COA8: variants seen among roughly 807,000 people sequenced by gnomAD.
COA8 encodes the protein cytochrome c oxidase assembly factor 8.
In COA8, 20 loss-of-function variants were observed where a neutral mutation model predicts 22.0. The observed-to-expected ratio is 0.91, with a 90% confidence interval of 0.64 to 1.32. COA8 has a LOEUF of 1.32. Among genes scored for constraint, COA8 ranks in the 40% most tolerant of loss-of-function variants. The pLI, the probability that COA8 is intolerant of heterozygous loss-of-function variation, is 0.00. For missense variants in COA8, 266 were observed against 230.0 expected (o/e 1.16, Z -1.01); for synonymous variants, 105 against 79.9 (o/e 1.31, Z -1.68).
chr14:103,586,669 C>G (rs2076309635), intron 3 of COA8, among the ~76,000 whole-genome samples: 1 of 129,692 alleles, frequency 7.7e-6, no homozygotes, highest in South Asian at 2.4e-4. Context: ...GAGTTTTACT[C>G]TTTTGCCCAG....
At chr14:103,583,787 C>T (rs1421506724) in intron 3 of COA8, among the ~76,000 whole-genome samples, 4 of 152,162 alleles carry the variant, frequency 2.6e-5, no homozygotes, top group South Asian at 2.1e-4. Flanking sequence ...CATCCTTTGC[C>T]GGTTGCCAGT....
intron 3 of COA8, among the ~76,000 whole-genome samples, chr14:103,579,795 T>G (rs1484809752): frequency 6.6e-6 from 1 of 151,310 alleles, no homozygotes; most frequent in Non-Finnish European, 1.5e-5. Context: ...AAATCCCGTC[T>G]ATACTAAAGA....
chr14:103,590,417 G>C lies in COA8; in HGVS notation c.*131G>C. 1 of 807,764 alleles carries C rather than the reference G, an allele frequency of 1.2e-6. No individual in the cohort carries two copies. Among genetic ancestry groups the C allele is most frequent in the Non-Finnish European group, 1.9e-6 (1 of 517,640 alleles). The allele number at this position is 807,764 out of a possible 1,614,324, so 50.0% of individuals were successfully genotyped here. A position where few individuals can be genotyped will look rare whatever the true frequency, so the allele number is the denominator to read the frequency against. ...ATCTTCCTAAGGGGCCCCATGGCCTGTTTGGGGGCAGGGTAGGTCCTGGGG... is the reference window on the plus strand; with the variant it reads ...ATCTTCCTAAGGGGCCCCATGGCCTCTTTGGGGGCAGGGTAGGTCCTGGGG... On this transcript the variant is annotated 3_prime_UTR_variant, in exon 5 of 5. Transcript: ENST00000409074.
At chr14:103,568,527 A>T (rs923705352) in intron 1 of COA8, among the ~76,000 whole-genome samples, 1 of 150,826 alleles carries the variant, frequency 6.6e-6, no homozygotes, top group Non-Finnish European at 1.5e-5. Context: ...ATACACACAC[A>T]TACACATATA....
At chr14:103,569,798 A>G (rs1022854851) in intron 1 of COA8, among the ~76,000 whole-genome samples, 1 of 152,224 alleles carries the variant, frequency 6.6e-6, no homozygotes, top group Non-Finnish European at 1.5e-5. Flanking sequence ...CCTTTAATGT[A>G]TGATAAGGAA....
intron 3 of COA8, chr14:103,574,848 A>G (rs1248218354): frequency 4.4e-6 from 1 of 227,290 alleles, no homozygotes; most frequent in Non-Finnish European, 8.8e-6. Context: ...AGCAGTAAGC[A>G]TGAGAATGAG....
At chr14:103,570,590 G>A (rs938484487) in intron 1 of COA8, among the ~76,000 whole-genome samples, 1 of 152,044 alleles carries the variant, frequency 6.6e-6, no homozygotes, top group Non-Finnish European at 1.5e-5. Flanking sequence ...AAAATTAGCC[G>A]GGCGTGGTGG....
At chr14:103,563,404 T>G in intron 1 of COA8, 6 of 568,916 alleles carry the variant, frequency 1.1e-5, no homozygotes, top group Non-Finnish European at 1.9e-5. Context: ...ACCTTATTTG[T>G]TCCCGAGAAT....
intron 3 of COA8, among the ~76,000 whole-genome samples, chr14:103,579,211 G>A (rs1458296366): frequency 1.3e-5 from 2 of 151,822 alleles, no homozygotes; most frequent in Non-Finnish European, 2.9e-5. Flanking sequence ...CTAAGACTGA[G>A]GCTAGTACCA....
At chr14:103,580,396 C>T (rs1276846906) in intron 3 of COA8, among the ~76,000 whole-genome samples, 1 of 152,150 alleles carries the variant, frequency 6.6e-6, no homozygotes. Flanking sequence ...GCAGCTTCCG[C>T]CTCTGGGTTC....
At chr14:103,575,781 C>T (rs1012876189) in intron 3 of COA8, among the ~76,000 whole-genome samples, 21 of 152,112 alleles carry the variant, frequency 1.4e-4, no homozygotes, top group Non-Finnish European at 3.1e-4. Flanking sequence ...CTTACTGCAG[C>T]CTTGACCTCC....
At chr14:103,568,520 C>T (rs917570534) in intron 1 of COA8, among the ~76,000 whole-genome samples, 3 of 150,814 alleles carry the variant, frequency 2.0e-5, no homozygotes, top group East Asian at 1.9e-4. Flanking sequence ...CATATATATA[C>T]ACACACATAC....
intron 1 of COA8, among the ~76,000 whole-genome samples, chr14:103,564,717 C>T (rs1345370704): frequency 6.6e-6 from 1 of 151,238 alleles, no homozygotes; most frequent in Non-Finnish European, 1.5e-5. Flanking sequence ...GTAGCTGGGA[C>T]TACAGGGGCC....
At chr14:103,575,015 T>TGTGGC (rs2094323935) in intron 3 of COA8, among the ~76,000 whole-genome samples, 1 of 152,268 alleles carries the variant, frequency 6.6e-6, no homozygotes, top group African/African-American at 2.4e-5. Context: ...ACAGTGAGAA[T>TGTGGC]GTGGCGTGGC....
chr14:103,574,540 G>A (rs761200256), intron 3 of COA8: 1 of 450,032 alleles, frequency 2.2e-6, no homozygotes, highest in South Asian at 1.7e-5. Flanking sequence ...CCTGGTGTCA[G>A]TGTTAGGCCT....
intron 1 of COA8, among the ~76,000 whole-genome samples, chr14:103,568,364 C>T (rs1595136336): frequency 6.6e-6 from 1 of 152,108 alleles, no homozygotes; most frequent in East Asian, 1.9e-4. Context: ...CCTGCAGAGC[C>T]AGCATGGAGA....
intron 1 of COA8, 148 bp downstream of exon 1, chr14:103,563,272 C>T (rs746754440): frequency 3.7e-6 from 4 of 1,082,008 alleles, no homozygotes; most frequent in East Asian, 2.6e-5. Context: ...TCCCGCAGCC[C>T]CGAGGCTCCC....
chr14:103,575,490 G>A (rs1023683023), intron 3 of COA8, among the ~76,000 whole-genome samples: 12 of 152,152 alleles, frequency 7.9e-5, no homozygotes, highest in Admixed American at 2.6e-4. Context: ...GTGGGAGTGG[G>A]GCAGCAGGCG....
At chr14:103,573,206 G>T (rs1287231619) in intron 2 of COA8, among the ~76,000 whole-genome samples, 1 of 149,660 alleles carries the variant, frequency 6.7e-6, no homozygotes. Context: ...TTTCACTCCT[G>T]TTGCCCAGGC....
Sources: gnomAD v4.1 joint callset for allele counts (sites outside exome capture counted in the v4.1 genomes callset) on GRCh38, gnomAD v4.1.1 for gene constraint, MANE v1.5 for transcripts, NCBI Gene and HGNC (gene_info 2026-07-23, HGNC 2026-07-21) for gene names.